ATP13A5: variants seen among roughly 807,000 people sequenced by gnomAD.
ATP13A5 encodes the protein probable cation-transporting ATPase 13A5.
Under a neutral mutation model 150.2 loss-of-function variants are expected in ATP13A5, and 149 were observed. The observed-to-expected ratio is 0.99, with a 90% CI of 0.87 to 1.14. The LOEUF (loss-of-function observed/expected upper bound fraction) is 1.14, where lower values mean the gene tolerates loss of function less well. ATP13A5 is among the 50% of genes most tolerant of loss of function. The pLI, the probability that ATP13A5 is intolerant of heterozygous loss-of-function variation, is 0.00. For missense variants in ATP13A5, 1,383 were observed against 1,449.3 expected (o/e 0.95, Z 0.74); for synonymous variants, 497 against 522.2 (o/e 0.95, Z 0.66).
chr3:193,340,484 G>T (rs4687401), intron 9 of ATP13A5, among the ~76,000 whole-genome samples: 51,407 of 152,060 alleles, frequency 0.34, 9,030 homozygotes, highest in East Asian at 0.5. Context: ...CTGATGATAA[G>T]CTCGTCTGAC....
rs748915792 is a variant in ATP13A5, at chr3:193,362,384, A to T, written c.533T>A (p.Val178Asp). 1.9e-6 allele frequency: 3 copies of T among 1,613,876 alleles called. No homozygotes were observed. The highest frequency in any genetic ancestry group is 2.2e-5 in the East Asian group (1 of 44,860). ...TAAGGCATATAATAAGTCCTACCTG[A>T]CCTCTTGCTCTTCACTGGTCAGACC... ...GLGLTSEEQE[V>D]RRLVCGPNAI... The change falls in exon 5 of 30, where the codon GTC (valine) becomes GAC (aspartate). Residue 178 changes from valine to aspartate, a missense_variant. Coordinates refer to ENST00000342358, the MANE Select transcript of ATP13A5 (RefSeq NM_198505.4).
chr3:193,315,098 T>A lies in ATP13A5; in HGVS notation c.2034-2A>T. On this transcript the variant is annotated splice_acceptor_variant, in intron 17 of 29. Coordinates refer to ENST00000342358, the MANE Select transcript of ATP13A5 (RefSeq NM_198505.4). LOFTEE classifies it high-confidence loss of function. ...GTTAACTCTGACTCCACTTTTTCTC[T>A]TTGTATTCAGGAGAAAATCAATATT... is the stretch of plus-strand genomic sequence containing the variant. 1 of 1,613,126 alleles carries A rather than the reference T, an allele frequency of 6.2e-7. No homozygotes were observed. Among genetic ancestry groups the A allele is most frequent in the African/African-American group, 1.3e-5 (1 of 75,016 alleles).
intron 16 of ATP13A5, among the ~76,000 whole-genome samples, chr3:193,319,374 A>G (rs1290417134): frequency 6.6e-6 from 1 of 152,198 alleles, no homozygotes; most frequent in Non-Finnish European, 1.5e-5. Context: ...TTGAAGCCTA[A>G]TCTCTAATGC....
chr3:193,343,121 T>C (rs2108884169), intron 9 of ATP13A5, among the ~76,000 whole-genome samples: 1 of 152,266 alleles, frequency 6.6e-6, no homozygotes, highest in Admixed American at 6.5e-5. Flanking sequence ...TACATTTAGG[T>C]CATGTTAAAA....
intron 13 of ATP13A5, among the ~76,000 whole-genome samples, chr3:193,325,971 G>T (rs1021500091): frequency 6.6e-6 from 1 of 152,128 alleles, no homozygotes; most frequent in Non-Finnish European, 1.5e-5. Flanking sequence ...GGGCTGGCCG[G>T]GACATCTGAG....
At chr3:193,303,726 C>T (rs1000308285) in intron 23 of ATP13A5, among the ~76,000 whole-genome samples, 13 of 151,936 alleles carry the variant, frequency 8.6e-5, no homozygotes, top group African/African-American at 3.1e-4. Flanking sequence ...CTTCAGCCTC[C>T]TCTGGTCAGG....
chr3:193,346,335 C>T (rs1712335045), intron 7 of ATP13A5, among the ~76,000 whole-genome samples: 1 of 152,032 alleles, frequency 6.6e-6, no homozygotes, highest in South Asian at 2.1e-4. Flanking sequence ...ATGGAAGGAG[C>T]CTGGAGAAGT....
At chr3:193,317,807 T>C (rs1439078952) in intron 17 of ATP13A5, among the ~76,000 whole-genome samples, 1 of 152,366 alleles carries the variant, frequency 6.6e-6, no homozygotes, top group African/African-American at 2.4e-5. Context: ...ATATTTATAA[T>C]GTCTATCCCA....
chr3:193,353,560 G>C (rs1164360995), intron 6 of ATP13A5, among the ~76,000 whole-genome samples: 2 of 152,094 alleles, frequency 1.3e-5, no homozygotes, highest in Non-Finnish European at 1.5e-5. Context: ...CCAGTGTGAT[G>C]GTATTTGGAG....
intron 27 of ATP13A5, among the ~76,000 whole-genome samples, chr3:193,279,896 T>G (rs1717402803): frequency 6.8e-6 from 1 of 147,106 alleles, no homozygotes; most frequent in South Asian, 2.1e-4. Context: ...CTGCTCTTCC[T>G]TATGGGCAAT....
At chr3:193,278,800 C>T (rs1359114036) in intron 28 of ATP13A5, among the ~76,000 whole-genome samples, 2 of 152,148 alleles carry the variant, frequency 1.3e-5, no homozygotes, top group Admixed American at 6.5e-5. Context: ...ATCTTCACAA[C>T]AAATCTATGA....
rs142046559 is a variant in ATP13A5 at position 193,326,200 on chromosome 3, A to G, written c.1523+796T>C. ...ACCAAAATAGGGTACTTAGAGCTTA[A>G]GAGCAGAGGCCATCGCCGCTCAAAT... On this transcript the variant is annotated intron_variant, in intron 13 of 29. Coordinates refer to ENST00000342358, the MANE Select transcript of ATP13A5 (RefSeq NM_198505.4). Among the ~76,000 whole-genome samples, 881 of 152,326 alleles carry G rather than the reference A, an allele frequency of 5.8e-3. 3 individuals carry two copies. The highest frequency in any genetic ancestry group is 9.3e-3 in the Non-Finnish European group (634 of 68,032).
chr3:193,354,941 T>TTTTTTTTTTTTTA (rs1241727269), intron 5 of ATP13A5, among the ~76,000 whole-genome samples: 3 of 44,934 alleles, frequency 6.7e-5, no homozygotes, highest in Non-Finnish European at 1.3e-4. Context: ...ACAATGTAAC[T>TTTTTTTTTTTTTA]TTTTTTTTGA....
chr3:193,364,432 G>T, intron 1 of ATP13A5, 152 bp from the exon 2 acceptor site: 1 of 864,432 alleles, frequency 1.2e-6, no homozygotes, highest in Non-Finnish European at 1.8e-6. Flanking sequence ...GCTTGCAGCT[G>T]TCCACTGATC....
chr3:193,326,996 C>T lies in ATP13A5; in HGVS notation c.1523G>A (p.Cys508Tyr), dbSNP rs1452668079. 1.2e-6 allele frequency: 2 copies of T among 1,613,506 alleles called. No homozygotes were observed. Among genetic ancestry groups the T allele is most frequent in the Non-Finnish European group, 1.7e-6 (2 of 1,179,678 alleles). ...LWGTVPTADN[C>Y]FQEAHSFASG... ...TTCCATTTTCACATAAGAGGCCTAC[C>T]AGTTGTCAGCAGTAGGGACAGTCCC... Residue 508 changes from cysteine to tyrosine, a missense_variant and splice_region_variant, in exon 13 of 30, where the codon TGC becomes TAC. Physicochemically the swap from Cys to Tyr is radical, Grantham distance 194. This residue lies in a region of ATP13A5 where 787 missense variants were observed against 771.9 expected (regional missense o/e 1.02). Coordinates refer to ENST00000342358, the MANE Select transcript of ATP13A5 (RefSeq NM_198505.4).
chr3:193,336,193 T>C (rs919206911), intron 9 of ATP13A5, among the ~76,000 whole-genome samples: 1 of 152,166 alleles, frequency 6.6e-6, no homozygotes, highest in Non-Finnish European at 1.5e-5. Context: ...TTGTATACTC[T>C]TCATTTTCCT....
At chr3:193,299,108 G>GT in intron 25 of ATP13A5, 23 bp downstream of exon 25, 1 of 1,561,046 alleles carries the variant, frequency 6.4e-7, no homozygotes, top group African/African-American at 1.4e-5. Context: ...AAACAATATA[G>GT]TTTTCTTTGC....
At chr3:193,370,290 C>G (rs376792892) in intron 1 of ATP13A5, among the ~76,000 whole-genome samples, 1 of 152,186 alleles carries the variant, frequency 6.6e-6, no homozygotes, top group African/African-American at 2.4e-5. Flanking sequence ...GCCAGGCTTC[C>G]CTTCCAGGTC....
chr3:193,304,347 C>T (rs936097687), intron 23 of ATP13A5, among the ~76,000 whole-genome samples: 1 of 152,024 alleles, frequency 6.6e-6, no homozygotes, highest in African/African-American at 2.4e-5. Flanking sequence ...GTGCAGACAC[C>T]CAGTGTTCAG....
Sources: allele counts gnomAD v4.1 joint callset (sites outside exome capture counted in the v4.1 genomes callset), GRCh38; gene constraint gnomAD v4.1.1; regional missense constraint gnomAD v4.1.1; transcripts MANE v1.5; gene names NCBI Gene and HGNC (gene_info 2026-07-23, HGNC 2026-07-21).